The following SLC14A2 variants were observed in gnomAD, a reference collection of about 807,000 sequenced individuals.
SLC14A2 encodes urea transporter 2.
A neutral mutation model predicts 104.6 loss-of-function variants in SLC14A2; 91 were observed. The ratio of observed to expected loss-of-function variants is 0.87; its 90% CI spans 0.73 to 1.04. The LOEUF is 1.04. Among genes scored for constraint, SLC14A2 ranks in the 50% least tolerant of loss-of-function variants. SLC14A2 has a pLI of 0.00. For missense variants in SLC14A2, 1,189 were observed against 1,156.0 expected (o/e 1.03, Z -0.41); for synonymous variants, 476 against 466.4 (o/e 1.02, Z -0.27).
At chr18:45,187,130 G>A in the SLC14A2 span, among the ~76,000 whole-genome samples, 1 of 152,154 alleles carries the variant, frequency 6.6e-6, no homozygotes, top group African/African-American at 2.4e-5. Flanking sequence ...GGAATATTCT[G>A]CATTTCCTTT....
At chr18:45,628,000 C>CAA (rs58009345) in intron 4 of SLC14A2, among the ~76,000 whole-genome samples, 68 of 83,564 alleles carry the variant, frequency 8.1e-4, no homozygotes, top group South Asian at 2.5e-3. Flanking sequence ...AAGACTTTCT[C>CAA]AAAAAAAAAA....
intron 1 of SLC14A2, among the ~76,000 whole-genome samples, chr18:45,367,060 T>A (rs1247961976): frequency 6.6e-6 from 1 of 152,230 alleles, no homozygotes; most frequent in Non-Finnish European, 1.5e-5. Context: ...TACAGCAGCA[T>A]GTAAATGAAG....
rs1400403978 is a variant in SLC14A2 at position 45,679,006 on chromosome 18, G to A, written c.2544G>A (p.Leu848=). The A allele has an allele frequency of 1.3e-6, 2 of 1,598,728 alleles. No homozygotes were observed. Among genetic ancestry groups the A allele is most frequent in the South Asian group, 1.1e-5 (1 of 90,536 alleles). The change falls in exon 19 of 20, where the codon CTG becomes CTA. Residue 848 remains leucine, a synonymous_variant. Transcript: ENST00000255226. ...ALFAAYLGAA[L]ANMLSVFGLP... is the part of the protein sequence containing the mutation. ...TTGCTGCCTACCTGGGTGCTGCCCT[G>A]GCTAACATGTTATCTGTGGTGAGTC...
At chr18:45,392,296 A>G (rs1025729338) in intron 1 of SLC14A2, among the ~76,000 whole-genome samples, 3 of 152,162 alleles carry the variant, frequency 2.0e-5, no homozygotes, top group African/African-American at 7.2e-5. Flanking sequence ...CTGTGTATCT[A>G]AGGGTTTGAT....
chr18:45,499,992 G>A lies in SLC14A2; in HGVS notation c.-35+16670G>A, dbSNP rs566783484. On this transcript the variant is annotated intron_variant, in intron 2 of 20. Transcript: ENST00000586448. ...TGACAAGAGTCTCACTATGCCTGAC[G>A]ATAGAGCATTCCTACAAAATAACTC... 5.9e-5 allele frequency among the ~76,000 whole-genome samples: 9 copies of A among 152,302 alleles called. No homozygotes were observed. In the South Asian group the frequency reaches 1.2e-3, roughly 21 times the overall value.
chr18:45,630,162 G>A (rs1256579729), intron 4 of SLC14A2, among the ~76,000 whole-genome samples: 2 of 152,242 alleles, frequency 1.3e-5, no homozygotes, highest in East Asian at 3.9e-4. Context: ...TTTCCAATGG[G>A]CCATATACAC....
chr18:45,318,214 C>T (rs529456230), intron 1 of SLC14A2, among the ~76,000 whole-genome samples: 2 of 152,286 alleles, frequency 1.3e-5, no homozygotes, highest in Admixed American at 6.5e-5. Flanking sequence ...AAGGGACAGA[C>T]ACATTGTGGG....
intron 2 of SLC14A2, among the ~76,000 whole-genome samples, chr18:45,584,904 G>C (rs76600879): frequency 0.017 from 2,578 of 152,330 alleles, 23 homozygotes; most frequent in Non-Finnish European, 0.027. Context: ...GCAGATCTTA[G>C]TGGGAGATTC....
chr18:45,316,225 G>T (rs12960418), intron 1 of SLC14A2, among the ~76,000 whole-genome samples: 1 of 152,184 alleles, frequency 6.6e-6, no homozygotes, highest in Non-Finnish European at 1.5e-5. Flanking sequence ...GCAGGCTAAT[G>T]TGGGCTCTGT....
chr18:45,421,599 C>T (rs76440645), intron 1 of SLC14A2, among the ~76,000 whole-genome samples: 24,121 of 152,078 alleles, frequency 0.16, 2,280 homozygotes, highest in Middle Eastern at 0.23. Context: ...ATTTAAATTT[C>T]CTCAAAAATT....
At chr18:45,440,079 T>C (rs1188386380) in intron 1 of SLC14A2, among the ~76,000 whole-genome samples, 2 of 152,170 alleles carry the variant, frequency 1.3e-5, no homozygotes, top group South Asian at 2.1e-4. Context: ...AAAAGAGGCC[T>C]GTGTAGGTTG....
chr18:45,328,090 GT>G (rs2085254128), intron 1 of SLC14A2, among the ~76,000 whole-genome samples: 1 of 152,114 alleles, frequency 6.6e-6, no homozygotes, highest in Non-Finnish European at 1.5e-5. Context: ...AAAAAAAAAT[GT>G]TGTTCCATAA....
intron 2 of SLC14A2, among the ~76,000 whole-genome samples, chr18:45,598,758 TC>T (rs1353572212): frequency 6.6e-6 from 1 of 152,204 alleles, no homozygotes; most frequent in African/African-American, 2.4e-5. Flanking sequence ...AACAATTCGC[TC>T]TGAGACCTCC....
chr18:45,491,360 A>G (rs1311600349), intron 2 of SLC14A2, among the ~76,000 whole-genome samples: 1 of 152,206 alleles, frequency 6.6e-6, no homozygotes, highest in Non-Finnish European at 1.5e-5. Context: ...ACACATATTT[A>G]AAACATATAA....
chr18:45,379,900 A>G (rs1054243371), intron 1 of SLC14A2, among the ~76,000 whole-genome samples: 3 of 152,216 alleles, frequency 2.0e-5, no homozygotes, highest in Admixed American at 2.0e-4. Flanking sequence ...CTGAGTAGCT[A>G]AGGAACACTA....
Position 45,668,439 on chromosome 18 carries a change from G to A in SLC14A2, c.1998G>A (p.Trp666Ter). The change falls in exon 15 of 20, where the codon TGG becomes TGA. Residue 666 changes from tryptophan (W) to a stop codon, truncating the protein, a stop_gained. Coordinates refer to ENST00000255226, the MANE Select transcript of SLC14A2 (RefSeq NM_007163.4). LOFTEE classifies it high-confidence loss of function. ...AVFSDKGDYY[W>*]WLLLPVIIMS... ...TCTCAGACAAAGGTGACTACTACTGGTGGCTGTTGCTACCCGTCATCATCA... is the reference window on the plus strand; with the variant it reads ...TCTCAGACAAAGGTGACTACTACTGATGGCTGTTGCTACCCGTCATCATCA... The A allele has an allele frequency of 6.2e-7, 1 of 1,614,144 alleles. No homozygotes were observed.
At chr18:45,451,766 C>T (rs947944244) in intron 1 of SLC14A2, among the ~76,000 whole-genome samples, 1 of 152,174 alleles carries the variant, frequency 6.6e-6, no homozygotes, top group Non-Finnish European at 1.5e-5. Flanking sequence ...CACCAGATGA[C>T]TCCTAAATTC....
At chr18:45,406,660 A>G (rs182852948) in intron 1 of SLC14A2, among the ~76,000 whole-genome samples, 1 of 152,268 alleles carries the variant, frequency 6.6e-6, no homozygotes, top group Admixed American at 6.5e-5. Flanking sequence ...GAAAGTCACA[A>G]TTACTCCTTG....
chr18:45,616,726 C>A (rs945720555), intron 1 of SLC14A2, among the ~76,000 whole-genome samples: 13 of 152,094 alleles, frequency 8.5e-5, no homozygotes, highest in African/African-American at 2.9e-4. Context: ...ATGCAAGAGG[C>A]AATAAATAAA....
Sources: gnomAD v4.1 joint callset for allele counts (sites outside exome capture counted in the v4.1 genomes callset) on GRCh38, gnomAD v4.1.1 for gene constraint, MANE v1.5 for transcripts, NCBI Gene and HGNC (gene_info 2026-07-23, HGNC 2026-07-21) for gene names.